Variants in CAMKMT observed in about 807,000 individuals in gnomAD.
CAMKMT encodes the protein calmodulin-lysine N-methyltransferase.
Under a neutral mutation model 48.0 loss-of-function variants are expected in CAMKMT, and 53 were observed. The ratio of observed to expected loss-of-function variants is 1.10; its 90% CI spans 0.89 to 1.39. The LOEUF is 1.39. CAMKMT is among the 40% of genes most tolerant of loss of function. The pLI, the probability that CAMKMT is intolerant of heterozygous loss-of-function variation, is 0.00. For missense variants in CAMKMT, 428 were observed against 402.7 expected, an observed-to-expected ratio of 1.06 and a Z score of -0.54; for synonymous variants, 165 against 152.3, an observed-to-expected ratio of 1.08 and a Z score of -0.61.
intron 4 of CAMKMT, 148 bp from the exon 5 acceptor site, chr2:44,706,139 C>T (rs1405379559): frequency 9.5e-6 from 6 of 631,126 alleles, no homozygotes; most frequent in East Asian, 5.6e-5. Context: ...AAACGCAAAA[C>T]GACATGAGGT....
rs932666805 is a variant in CAMKMT, at chr2:44,376,582, T to G, written c.311+3694T>G. Reference sequence around the variant, plus strand: ...GTGATCAGCACTTGTTATCAATACCTATTAGTTTTGTCTATCTTAAACTTT... The same window carrying G: ...GTGATCAGCACTTGTTATCAATACCGATTAGTTTTGTCTATCTTAAACTTT... On this transcript the variant is annotated intron_variant, in intron 2 of 10. Transcript: ENST00000378494. Among the ~76,000 whole-genome samples the G allele has an allele frequency of 7.9e-5, 12 of 152,336 alleles. No individual in the cohort carries two copies. The East Asian group carries it at 2.3e-3, about 29-fold the overall frequency.
intron 1 of CAMKMT, among the ~76,000 whole-genome samples, chr2:44,363,591 G>C (rs1444117842): frequency 6.6e-6 from 1 of 150,842 alleles, no homozygotes; most frequent in Non-Finnish European, 1.5e-5. Flanking sequence ...TGTTTGTCAA[G>C]CTGGTCTCGA....
At chr2:44,407,607 A>G (rs1309592395) in intron 3 of CAMKMT, among the ~76,000 whole-genome samples, 1 of 152,210 alleles carries the variant, frequency 6.6e-6, no homozygotes, top group Non-Finnish European at 1.5e-5. Context: ...CTGATGTAGC[A>G]GTGAAACATT....
chr2:44,705,252 C>T (rs573860026), intron 4 of CAMKMT: 14 of 533,892 alleles, frequency 2.6e-5, no homozygotes, highest in Non-Finnish European at 3.4e-5. Flanking sequence ...TTGGCTTCTT[C>T]TCCTCCCTTT....
intron 3 of CAMKMT, among the ~76,000 whole-genome samples, chr2:44,546,495 C>G (rs1306101323): frequency 1.3e-5 from 2 of 152,170 alleles, no homozygotes; most frequent in African/African-American, 4.8e-5. Flanking sequence ...CCTTTGATTC[C>G]TGACCTGACA....
At chr2:44,650,336 AG>A (rs1199536938) in intron 3 of CAMKMT, among the ~76,000 whole-genome samples, 1 of 152,112 alleles carries the variant, frequency 6.6e-6, no homozygotes, top group Non-Finnish European at 1.5e-5. Flanking sequence ...ATATTGGACG[AG>A]GGGCCCACTG....
chr2:44,552,284 A>G (rs1018106221), intron 3 of CAMKMT, among the ~76,000 whole-genome samples: 1 of 152,140 alleles, frequency 6.6e-6, no homozygotes, highest in Non-Finnish European at 1.5e-5. Context: ...TGTACTCATT[A>G]TTACTTTTGA....
intron 3 of CAMKMT, among the ~76,000 whole-genome samples, chr2:44,405,127 A>G (rs753810023): frequency 3.9e-5 from 6 of 152,104 alleles, no homozygotes; most frequent in Non-Finnish European, 7.4e-5. Flanking sequence ...ATTAAAATCT[A>G]TCTAAATACA....
At chr2:44,374,610 G>A (rs1359364472) in intron 2 of CAMKMT, among the ~76,000 whole-genome samples, 1 of 152,226 alleles carries the variant, frequency 6.6e-6, no homozygotes, top group Non-Finnish European at 1.5e-5. Context: ...ATCTTTCAAA[G>A]CAAGTCATGG....
chr2:44,700,105 C>T (rs976568971), intron 3 of CAMKMT, among the ~76,000 whole-genome samples: 1 of 152,222 alleles, frequency 6.6e-6, no homozygotes, highest in Non-Finnish European at 1.5e-5. Flanking sequence ...GAAATGGCTT[C>T]TTTATTTAAA....
intron 3 of CAMKMT, among the ~76,000 whole-genome samples, chr2:44,422,933 G>C (rs1398558317): frequency 1.3e-5 from 2 of 152,012 alleles, no homozygotes; most frequent in African/African-American, 2.4e-5. Context: ...TGAGCTCCTT[G>C]TTCAGAATCA....
chr2:44,447,772 G>A (rs909708766), intron 3 of CAMKMT, among the ~76,000 whole-genome samples: 3 of 152,088 alleles, frequency 2.0e-5, no homozygotes, highest in Non-Finnish European at 4.4e-5. Context: ...TGTAGGTAGG[G>A]GCAGCAAATA....
intron 3 of CAMKMT, among the ~76,000 whole-genome samples, chr2:44,481,991 C>T (rs925009705): frequency 4.1e-4 from 62 of 151,876 alleles, no homozygotes; most frequent in Admixed American, 2.0e-4. Context: ...CCATATTTAA[C>T]AATAGTAAAC....
chr2:44,413,290 A>G (rs1683333037), intron 3 of CAMKMT, among the ~76,000 whole-genome samples: 1 of 152,024 alleles, frequency 6.6e-6, no homozygotes, highest in South Asian at 2.1e-4. Flanking sequence ...GTAGGGTCAA[A>G]TGAAAGAGGC....
At chr2:44,715,899 C>T (rs935163141) in intron 7 of CAMKMT, among the ~76,000 whole-genome samples, 1 of 152,142 alleles carries the variant, frequency 6.6e-6, no homozygotes, top group African/African-American at 2.4e-5. Flanking sequence ...CTGAGAAACC[C>T]TGCTCTGTTT....
intron 3 of CAMKMT, among the ~76,000 whole-genome samples, chr2:44,584,876 A>C (rs970066474): frequency 4.1e-4 from 62 of 152,142 alleles, no homozygotes; most frequent in African/African-American, 1.5e-3. Context: ...AACGTGGTGA[A>C]ACCCTGTCTC....
chr2:44,383,568 T>C (rs1680476941), intron 2 of CAMKMT, among the ~76,000 whole-genome samples: 1 of 152,172 alleles, frequency 6.6e-6, no homozygotes, highest in South Asian at 2.1e-4. Context: ...TTCTGTGAGA[T>C]TTTGGTTCAC....
chr2:44,696,014 C>G (rs1036604197), intron 3 of CAMKMT, among the ~76,000 whole-genome samples: 1 of 152,078 alleles, frequency 6.6e-6, no homozygotes, highest in Non-Finnish European at 1.5e-5. Flanking sequence ...GTGATCTCGG[C>G]TCACTGCAAC....
At chr2:44,629,300 C>T (rs377671433) in intron 3 of CAMKMT, among the ~76,000 whole-genome samples, 10 of 152,126 alleles carry the variant, frequency 6.6e-5, no homozygotes, top group Admixed American at 2.6e-4. Flanking sequence ...AATATTTGTT[C>T]TTTGAAGTCC....
Sources: allele counts gnomAD v4.1 joint callset (sites outside exome capture counted in the v4.1 genomes callset), GRCh38; gene constraint gnomAD v4.1.1; transcripts MANE v1.5; gene names NCBI Gene and HGNC (gene_info 2026-07-23, HGNC 2026-07-21).